The following SUGCT variants were observed in gnomAD, a reference collection of about 807,000 sequenced individuals.
The protein encoded by SUGCT is succinyl-CoA:glutarate CoA-transferase.
In SUGCT, 41 loss-of-function variants were observed where a neutral mutation model predicts 55.0. The observed-to-expected ratio is 0.74, with a 90% CI of 0.58 to 0.97. The LOEUF is 0.97. Among genes scored for constraint, SUGCT ranks in the 50% least tolerant of loss-of-function variants. The pLI is 0.00. For synonymous variants in SUGCT, 187 were observed against 200.4 expected (o/e 0.93, Z 0.56); for missense variants, 568 against 547.8 (o/e 1.04, Z -0.37).
intron 9 of SUGCT, among the ~76,000 whole-genome samples, chr7:40,419,291 G>A (rs1787176331): frequency 6.6e-6 from 1 of 152,072 alleles, no homozygotes; most frequent in East Asian, 1.9e-4. Context: ...CTGATACCAG[G>A]AATTCAATTT....
At chr7:40,321,094 T>C (rs1400935296) in intron 9 of SUGCT, among the ~76,000 whole-genome samples, 1 of 134,224 alleles carries the variant, frequency 7.5e-6, no homozygotes, top group South Asian at 2.9e-4. Context: ...TTTTTTTTTT[T>C]GAAGTGGAGT....
At chr7:40,904,369 T>C in the SUGCT span, among the ~76,000 whole-genome samples, 2 of 152,232 alleles carry the variant, frequency 1.3e-5, no homozygotes, top group East Asian at 3.8e-4. Context: ...GGTCTTTGTA[T>C]ATATACCAAT....
intron 12 of SUGCT, among the ~76,000 whole-genome samples, chr7:40,521,156 G>A (rs1793506331): frequency 6.6e-6 from 1 of 152,104 alleles, no homozygotes; most frequent in Non-Finnish European, 1.5e-5. Flanking sequence ...GTTGTAAATG[G>A]GGCCTGGTGG....
At chr7:40,899,530 A>G in the SUGCT span, among the ~76,000 whole-genome samples, 23 of 152,270 alleles carry the variant, frequency 1.5e-4, no homozygotes, top group East Asian at 5.8e-4. Context: ...GAAAAATACA[A>G]CAACAAACAA....
intron 9 of SUGCT, among the ~76,000 whole-genome samples, chr7:40,355,965 A>C (rs1399115442): frequency 6.6e-6 from 1 of 152,232 alleles, no homozygotes. Context: ...TTCCTTTTAC[A>C]TGTCATTACA....
At chr7:40,782,158 T>A (rs1789785471) in intron 13 of SUGCT, among the ~76,000 whole-genome samples, 1 of 152,100 alleles carries the variant, frequency 6.6e-6, no homozygotes, top group Non-Finnish European at 1.5e-5. Context: ...AGTACAGTGT[T>A]AATTAATAGA....
chr7:40,924,265 C>CAT, the SUGCT span, among the ~76,000 whole-genome samples: 5 of 136,126 alleles, frequency 3.7e-5, no homozygotes, highest in East Asian at 2.3e-4. Flanking sequence ...CTTTCAATTA[C>CAT]GTGTGTGTGT....
intron 9 of SUGCT, among the ~76,000 whole-genome samples, chr7:40,379,497 G>A: frequency 6.6e-6 from 1 of 152,058 alleles, no homozygotes; most frequent in East Asian, 1.9e-4. Flanking sequence ...TGACAATTCT[G>A]GAAATTATAT....
intron 12 of SUGCT, among the ~76,000 whole-genome samples, chr7:40,691,319 T>G (rs1784689653): frequency 6.6e-6 from 1 of 152,110 alleles, no homozygotes; most frequent in African/African-American, 2.4e-5. Context: ...ACTTTTTTTT[T>G]TTTTGCCTTT....
At chr7:40,506,828 A>C (rs1007721563) in intron 12 of SUGCT, among the ~76,000 whole-genome samples, 18 of 152,252 alleles carry the variant, frequency 1.2e-4, no homozygotes, top group Admixed American at 9.2e-4. Flanking sequence ...CCCCTCAAGT[A>C]AATTTTTCAT....
At chr7:40,391,195 A>G (rs1785411793) in intron 9 of SUGCT, among the ~76,000 whole-genome samples, 1 of 152,240 alleles carries the variant, frequency 6.6e-6, no homozygotes, top group Admixed American at 6.5e-5. Flanking sequence ...AAGAAAACGT[A>G]GGCAATACCA....
intron 13 of SUGCT, among the ~76,000 whole-genome samples, chr7:40,816,816 A>T (rs377742923): frequency 3.4e-4 from 52 of 152,346 alleles, no homozygotes; most frequent in Middle Eastern, 3.4e-3. Context: ...ATATGGAATG[A>T]ACAGAATCTT....
At chr7:40,900,119 G>T in the SUGCT span, among the ~76,000 whole-genome samples, 1 of 152,218 alleles carries the variant, frequency 6.6e-6, no homozygotes, top group African/African-American at 2.4e-5. Flanking sequence ...CCGATGACCG[G>T]CTGTGCTTTC....
intron 12 of SUGCT, among the ~76,000 whole-genome samples, chr7:40,602,104 A>G (rs1380309149): frequency 6.6e-6 from 1 of 152,150 alleles, no homozygotes; most frequent in East Asian, 1.9e-4. Flanking sequence ...GTTGAGTGAA[A>G]TAGATTTGTT....
intron 8 of SUGCT, among the ~76,000 whole-genome samples, chr7:40,286,598 T>A (rs1219888336): frequency 1.3e-5 from 2 of 152,196 alleles, no homozygotes; most frequent in East Asian, 3.8e-4. Flanking sequence ...TAGTAGTGGT[T>A]AAACATTGTA....
chr7:40,757,089 T>C (rs1311248256), intron 13 of SUGCT, among the ~76,000 whole-genome samples: 1 of 152,166 alleles, frequency 6.6e-6, no homozygotes, highest in Non-Finnish European at 1.5e-5. Context: ...TGACTTGCCA[T>C]TGAGTGCCTG....
chr7:40,150,707 C>T (rs1325758900), intron 1 of SUGCT, among the ~76,000 whole-genome samples: 1 of 149,146 alleles, frequency 6.7e-6, no homozygotes, highest in African/African-American at 2.6e-5. Flanking sequence ...ACAAACTCTG[C>T]TCCCTGAATT....
At chr7:40,720,326 T>C (rs1471030498) in intron 12 of SUGCT, among the ~76,000 whole-genome samples, 1 of 152,182 alleles carries the variant, frequency 6.6e-6, no homozygotes, top group East Asian at 1.9e-4. Flanking sequence ...TTCACAAAGA[T>C]ATGGCATAAA....
At chr7:40,409,678 A>G (rs1786567227) in intron 9 of SUGCT, among the ~76,000 whole-genome samples, 1 of 150,402 alleles carries the variant, frequency 6.6e-6, no homozygotes, top group Non-Finnish European at 1.5e-5. Context: ...TTTTTTGCTC[A>G]TTGTTTCCTG....
Sources: gnomAD v4.1 joint callset for allele counts (sites outside exome capture counted in the v4.1 genomes callset) on GRCh38, gnomAD v4.1.1 for gene constraint, MANE v1.5 for transcripts, NCBI Gene and HGNC (gene_info 2026-07-23, HGNC 2026-07-21) for gene names.